The following LMF2 variants were observed in gnomAD, a reference collection of about 807,000 sequenced individuals.
LMF2 encodes lipase maturation factor 2, also known as transmembrane protein 112B.
A neutral mutation model predicts 81.5 loss-of-function variants in LMF2; 113 were observed. That is an observed-to-expected ratio of 1.39 (90% CI 1.19 to 1.62). LMF2 has a LOEUF of 1.62. Ranked by LOEUF, LMF2 falls within the 40% of genes most tolerant of loss-of-function variation. The pLI is 0.00. For synonymous variants in LMF2, 645 were observed against 424.5 expected (o/e 1.52, Z -6.39); for missense variants, 1,235 against 929.1 (o/e 1.33, Z -4.28).
chr22:50,504,623 G>T lies in LMF2; in HGVS notation c.1542C>A (p.Gly514=), dbSNP rs779720206. The change falls in exon 11 of 14, where the codon GGC becomes GGA. Residue 514 remains glycine (G), a synonymous_variant. Transcript: ENST00000474879. ...LDWQMWFAAL[G]PHTHSPWFTS... is the part of the protein sequence containing the mutation. ...TGAACCACGGGCTGTGCGTGTGTGGGCCCAGGGCTGCAAACCACATCTGCC... is the reference window on the plus strand; with the variant it reads ...TGAACCACGGGCTGTGCGTGTGTGGTCCCAGGGCTGCAAACCACATCTGCC... 1 of 1,607,452 alleles carries T rather than the reference G, an allele frequency of 6.2e-7. No homozygotes were observed. Among genetic ancestry groups the T allele is most frequent in the South Asian group, 1.1e-5 (1 of 91,004 alleles).
Position 50,506,939 on chromosome 22 carries a change from A to G in LMF2, c.191T>C (p.Leu64Pro), listed in dbSNP as rs1310385961. Residue 64 changes from leucine (L) to proline (P), a missense_variant, in exon 2 of 14, where the codon CTG (leucine) becomes CCG (proline). By Grantham distance (98) the Leu-to-Pro change is moderately conservative (BLOSUM62 -3). Transcript: ENST00000474879. ...CAGCCCCAGTCTCGGCGCTTCCCAC[A>G]GCAGCGTCGGGGTCTCCCACAGCTG... Reference protein sequence around the residue: ...WQQLWETPTLLWEAPRLGLDT... With the variant: ...WQQLWETPTLPWEAPRLGLDT... The G allele has an allele frequency of 6.3e-7, 1 of 1,580,326 alleles. No homozygotes were observed. Among genetic ancestry groups the G allele is most frequent in the African/African-American group, 1.3e-5 (1 of 74,310 alleles).
rs1404413821 is a variant in LMF2, at chr22:50,503,360, C to A, written c.*31G>T. The A allele has an allele frequency of 3.7e-6, 6 of 1,608,122 alleles. No individual in the cohort carries two copies. The highest frequency in any genetic ancestry group is 5.1e-6 in the Non-Finnish European group (6 of 1,178,188). Reference sequence around the variant, plus strand: ...GCCAGAGCACTCCCGGCGACCTGGCCCTCTCAGGACGTGCAGCTGGGAGAA... The same window carrying A: ...GCCAGAGCACTCCCGGCGACCTGGCACTCTCAGGACGTGCAGCTGGGAGAA... On this transcript the variant is annotated 3_prime_UTR_variant, in exon 14 of 14. Coordinates refer to ENST00000474879, the MANE Select transcript of LMF2 (RefSeq NM_033200.3).
Position 50,506,680 on chromosome 22 carries a change from G to C in LMF2, c.349-14C>G. ...CACCTGGCCCACCTGCGGAGAGAGG[G>C]GCTGTCAGGGAGCGGGTGTGTCTGT... On this transcript the variant is annotated splice_polypyrimidine_tract_variant and intron_variant, in intron 2 of 13. Transcript: ENST00000474879. 1 of 1,613,732 alleles carries C rather than the reference G, an allele frequency of 6.2e-7. No individual in the cohort carries two copies. The highest frequency in any genetic ancestry group is 8.5e-7 in the Non-Finnish European group (1 of 1,179,916).
chr22:50,504,305 C>A lies in LMF2; in HGVS notation c.1718+35G>T, dbSNP rs746352399. On this transcript the variant is annotated intron_variant, in intron 12 of 13. Transcript: ENST00000474879. ...CGGTGCCCGGCCTTACCCCTGCACC[C>A]CGGGCTCCACACCCCACCCGGTGCC... 5 of 1,535,794 alleles carry A rather than the reference C, an allele frequency of 3.3e-6. No individual in the cohort carries two copies. The Admixed American group carries it at 8.6e-5, about 26-fold the overall frequency.
chr22:50,505,592 G>A, intron 6 of LMF2, 55 bp from the exon 7 acceptor site: 1 of 1,611,650 alleles, frequency 6.2e-7, no homozygotes, highest in Non-Finnish European at 8.5e-7. Flanking sequence ...GGGGGCTGGG[G>A]TGCAGCTAGA....
At chr22:50,507,105 C>G in intron 1 of LMF2, 70 bp from the exon 2 acceptor site, 3 of 1,518,228 alleles carry the variant, frequency 2.0e-6, no homozygotes, top group Non-Finnish European at 2.6e-6. Context: ...GAGTCAGGGC[C>G]TGCAGATCCC....
chr22:50,504,478 C>G, intron 11 of LMF2, 27 bp from the exon 12 acceptor site: 5 of 1,594,240 alleles, frequency 3.1e-6, no homozygotes, highest in Non-Finnish European at 4.3e-6. Context: ...CAGCGTGGCC[C>G]CCACAGTACC....
rs1422118645 is a variant in LMF2 at position 50,506,419 on chromosome 22, TG to T, written c.460del (p.Gln154ArgfsTer34). On this transcript the variant is annotated frameshift_variant, in exon 4 of 14. Transcript: ENST00000474879. LOFTEE classifies it high-confidence loss of function. ...GGGCAGGGCCCCTGCCTGCCTGCCC[TG>T]GGGGGCCTCCTTGCGGTGGGAGGCT... ...RPASHRKEAP[Q>X]GRQAGALPHE... 3.5e-5 allele frequency: 54 copies of T among 1,550,522 alleles called. No homozygotes were observed. The highest frequency in any genetic ancestry group is 4.4e-5 in the Non-Finnish European group (50 of 1,147,922).
intron 9 of LMF2, 36 bp from the exon 10 acceptor site, chr22:50,505,020 C>T: frequency 1.9e-6 from 3 of 1,612,146 alleles, no homozygotes; most frequent in Non-Finnish European, 2.5e-6. Flanking sequence ...GGCTGCCCTG[C>T]CCCCAGCCCA....
rs1471429014 is a variant in LMF2 at position 50,503,528 on chromosome 22, A to T, written c.1987T>A (p.Ser663Thr). Residue 663 changes from serine (S) to threonine (T), a missense_variant, in exon 14 of 14, where the codon TCC becomes ACC. Transcript: ENST00000474879. ...QALLAPCSLR[S>T]SPLAPVSGEK... ...CCGCTGACTGGTGCCAGCGGGGAGGACCGGAGAGAACAGGGTGCTAGCAGG... is the reference window on the plus strand; with the variant it reads ...CCGCTGACTGGTGCCAGCGGGGAGGTCCGGAGAGAACAGGGTGCTAGCAGG... The T allele has an allele frequency of 6.4e-7, 1 of 1,569,030 alleles. No homozygotes were observed. The highest frequency in any genetic ancestry group is 8.6e-7 in the Non-Finnish European group (1 of 1,161,626).
chr22:50,504,420 C>T lies in LMF2; in HGVS notation c.1638G>A (p.Arg546=), dbSNP rs765758854. ...VIRLVQSQVA[R]YPFHKQPPTY... ...TGGGCGGCTGCTTGTGGAAGGGATA[C>T]CTGGCCACTTGGCTCTGGACAAGGC... is the stretch of plus-strand genomic sequence containing the variant. The change falls in exon 12 of 14, where the codon AGG becomes AGA. Residue 546 remains arginine, a synonymous_variant. Transcript: ENST00000474879. The T allele has an allele frequency of 3.1e-6, 5 of 1,612,240 alleles. No homozygotes were observed. The highest frequency in any genetic ancestry group is 1.7e-4 in the Middle Eastern group (1 of 6,050).
chr22:50,504,698 G>T lies in LMF2; in HGVS notation c.1467C>A (p.Asn489Lys). The T allele has an allele frequency of 1.2e-6, 2 of 1,610,116 alleles. No homozygotes were observed. The highest frequency in any genetic ancestry group is 1.7e-6 in the Non-Finnish European group (2 of 1,179,472). Residue 489 changes from asparagine to lysine, a missense_variant, in exon 11 of 14, where the codon AAC (asparagine) becomes AAA (lysine). Physicochemically the swap from Asn to Lys is moderately conservative, Grantham distance 94. Coordinates refer to ENST00000474879, the MANE Select transcript of LMF2 (RefSeq NM_033200.3). ...TEIEFMYKPGNLSRPPPVVVP... is the reference protein window; with the variant it reads ...TEIEFMYKPGKLSRPPPVVVP... Reference sequence around the variant, plus strand: ...CCACAACCGGGGGCGGCCGGCTCAGGTTCCCAGGCTTGTACATGAACTCGA... The same window carrying T: ...CCACAACCGGGGGCGGCCGGCTCAGTTTCCCAGGCTTGTACATGAACTCGA...
At position 50,504,676 on chromosome 22, in the gene LMF2, C is replaced by A. The variant is rs767062687; in HGVS notation, c.1489G>T (p.Val497Leu). 2.5e-6 allele frequency: 4 copies of A among 1,609,194 alleles called. No individual in the cohort carries two copies. Among genetic ancestry groups the A allele is most frequent in the East Asian group, 4.5e-5 (2 of 44,864 alleles). Reference protein sequence around the residue: ...PGNLSRPPPVVVPHQPRLDWQ... With the variant: ...PGNLSRPPPVLVPHQPRLDWQ... The stretch of plus-strand genomic sequence containing the variant: ...TCCAGGCGTGGCTGGTGGGGCACCA[C>A]AACCGGGGGCGGCCGGCTCAGGTTC... The change falls in exon 11 of 14, where the codon GTG (valine) becomes TTG (leucine). Residue 497 changes from valine (V) to leucine (L), a missense_variant. By Grantham distance (32) the Val-to-Leu change is conservative (BLOSUM62 1). Transcript: ENST00000474879.
chr22:50,505,912 G>A (rs2068550592), intron 5 of LMF2, 97 bp from the exon 6 acceptor site: 3 of 1,579,280 alleles, frequency 1.9e-6, no homozygotes, highest in Admixed American at 1.7e-5. Context: ...TCTGCTACAA[G>A]GCCTTCCCAA....
intron 5 of LMF2, 63 bp downstream of exon 5, chr22:50,505,972 G>A (rs1287873084): frequency 1.7e-5 from 26 of 1,555,172 alleles, no homozygotes; most frequent in Admixed American, 1.9e-5. Context: ...AACAGGGCAC[G>A]CTGAGCAGCG....
chr22:50,506,792 G>A lies in LMF2; in HGVS notation c.338C>T (p.Ser113Leu). Residue 113 changes from serine (S) to leucine (L), a missense_variant, in exon 2 of 14, where the codon TCA becomes TTA. By Grantham distance (145) the Ser-to-Leu change is moderately radical (BLOSUM62 -2). Coordinates refer to ENST00000474879, the MANE Select transcript of LMF2 (RefSeq NM_033200.3). ...IYLLLWAAYL[S>L]ACQVGQVFLY... is the part of the protein sequence containing the mutation. Reference sequence around the variant, plus strand: ...ACAGGTCCCACTTGCCTGGCAGGCTGACAGGTAGGCGGCCCAAAGCAGCAA... The same window carrying A: ...ACAGGTCCCACTTGCCTGGCAGGCTAACAGGTAGGCGGCCCAAAGCAGCAA... 6.2e-7 allele frequency: 1 copy of A among 1,612,808 alleles called. No individual in the cohort carries two copies. Among genetic ancestry groups the A allele is most frequent in the Non-Finnish European group, 8.5e-7 (1 of 1,179,614 alleles).
chr22:50,506,817 A>G lies in LMF2; in HGVS notation c.313T>C (p.Leu105=). 1 of 1,610,862 alleles carries G rather than the reference A, an allele frequency of 6.2e-7. No homozygotes were observed. Among genetic ancestry groups the G allele is most frequent in the Non-Finnish European group, 8.5e-7 (1 of 1,178,878 alleles). The change falls in exon 2 of 14, where the codon TTG becomes CTG. Residue 105 remains leucine, a synonymous_variant. Coordinates refer to ENST00000474879, the MANE Select transcript of LMF2 (RefSeq NM_033200.3). Reference sequence around the variant, plus strand: ...GACAGGTAGGCGGCCCAAAGCAGCAAGTAGATGACAGGGTGGCGCAGTGGG... The same window carrying G: ...GACAGGTAGGCGGCCCAAAGCAGCAGGTAGATGACAGGGTGGCGCAGTGGG... ...LSPLRHPVIY[L]LLWAAYLSAC... is the part of the protein sequence containing the mutation.
rs768083548 is a variant in LMF2 at position 50,504,457 on chromosome 22, G to A, written c.1607-6C>T. 5.0e-6 allele frequency: 8 copies of A among 1,610,184 alleles called. No individual in the cohort carries two copies. The East Asian group carries it at 6.7e-5, about 13-fold the overall frequency. On this transcript the variant is annotated splice_region_variant and splice_polypyrimidine_tract_variant and intron_variant, in intron 11 of 13. Transcript: ENST00000474879. The stretch of plus-strand genomic sequence containing the variant: ...GCTCTGGACAAGGCGGATCACTGCA[G>A]CGAGAGGCATCAGCGTGGCCCCCAC...
Position 50,507,630 on chromosome 22 carries a change from C to T in LMF2, c.46G>A (p.Ala16Thr), listed in dbSNP as rs1383653494. ...LPRQLFLQGV[A>T]AVFMFAFASL... ...GCGAAAGCAAACATGAAGACGGCCG[C>T]CACGCCCTGGAGGAAGAGCTGCCGC... Residue 16 changes from alanine (A) to threonine (T), a missense_variant, in exon 1 of 14, where the codon GCG becomes ACG. By Grantham distance (58) the Ala-to-Thr change is moderately conservative. Transcript: ENST00000474879. The T allele has an allele frequency of 6.4e-6, 10 of 1,557,428 alleles. No homozygotes were observed. The highest frequency in any genetic ancestry group is 1.4e-5 in the African/African-American group (1 of 73,536).
Sources: gnomAD v4.1 joint callset for allele counts on GRCh38, gnomAD v4.1.1 for gene constraint, MANE v1.5 for transcripts, NCBI Gene and HGNC (gene_info 2026-07-23, HGNC 2026-07-21) for gene names.